The following EXOC4 variants were observed in gnomAD, a reference collection of about 807,000 sequenced individuals.
EXOC4 encodes the protein SEC8-like 1.
In EXOC4, 71 loss-of-function variants were observed where a neutral mutation model predicts 107.2. The ratio of observed to expected loss-of-function variants is 0.66; its 90% CI spans 0.55 to 0.81. EXOC4 has a LOEUF of 0.81. Among genes scored for constraint, EXOC4 ranks in the 30% least tolerant of loss-of-function variants. The pLI, the probability that EXOC4 is intolerant of heterozygous loss-of-function variation, is 0.00. For synonymous variants in EXOC4, 456 were observed against 441.2 expected, an observed-to-expected ratio of 1.03 and a Z score of -0.42; for missense variants, 1,108 against 1,189.6, an observed-to-expected ratio of 0.93 and a Z score of 1.01.
intron 15 of EXOC4, among the ~76,000 whole-genome samples, chr7:134,003,302 G>C (rs1794571252): frequency 6.6e-6 from 1 of 152,168 alleles, no homozygotes; most frequent in Admixed American, 6.6e-5. Context: ...GAGTTGAGTA[G>C]GGATTGACTG....
chr7:133,505,486 A>C (rs1584964287), intron 9 of EXOC4, among the ~76,000 whole-genome samples: 1 of 152,294 alleles, frequency 6.6e-6, no homozygotes, highest in South Asian at 2.1e-4. Context: ...GTTAACTATG[A>C]CATCCTGTAT....
chr7:133,471,437 C>G (rs1431045733), intron 7 of EXOC4, among the ~76,000 whole-genome samples: 1 of 151,536 alleles, frequency 6.6e-6, no homozygotes, highest in Non-Finnish European at 1.5e-5. Context: ...AATCCCTTTA[C>G]TAATTTGAAT....
intron 15 of EXOC4, among the ~76,000 whole-genome samples, chr7:134,002,892 T>A (rs1169550388): frequency 2.9e-5 from 1 of 34,890 alleles, no homozygotes; most frequent in Non-Finnish European, 5.3e-5. Flanking sequence ...ATGGTACAGC[T>A]CCTTTGGAAA....
chr7:133,630,926 A>G (rs1802576594), intron 10 of EXOC4, among the ~76,000 whole-genome samples: 1 of 152,190 alleles, frequency 6.6e-6, no homozygotes, highest in African/African-American at 2.4e-5. Flanking sequence ...TGAGAGTGGA[A>G]AAAAGGGGCA....
At chr7:133,540,018 G>GA (rs1405376134) in intron 9 of EXOC4, among the ~76,000 whole-genome samples, 27 of 151,032 alleles carry the variant, frequency 1.8e-4, no homozygotes, top group East Asian at 1.9e-4. Context: ...ATTCAGGTGT[G>GA]AAAAAAAAAT....
chr7:133,363,626 A>C (rs1796181791), intron 6 of EXOC4, among the ~76,000 whole-genome samples: 1 of 151,992 alleles, frequency 6.6e-6, no homozygotes, highest in Non-Finnish European at 1.5e-5. Flanking sequence ...AAAAAAAAAA[A>C]AAACCTACTC....
intron 12 of EXOC4, among the ~76,000 whole-genome samples, chr7:133,911,690 T>G (rs2116606965): frequency 6.6e-6 from 1 of 152,252 alleles, no homozygotes; most frequent in South Asian, 2.1e-4. Context: ...AAATGGAAAA[T>G]TCTAGCCCTT....
At chr7:133,822,778 A>T (rs1563013914) in intron 11 of EXOC4, among the ~76,000 whole-genome samples, 1 of 152,220 alleles carries the variant, frequency 6.6e-6, no homozygotes, top group Non-Finnish European at 1.5e-5. Flanking sequence ...TACTCGCTAA[A>T]GTTTAAGAAG....
At chr7:134,083,121 T>C in the EXOC4 span, among the ~76,000 whole-genome samples, 1 of 152,186 alleles carries the variant, frequency 6.6e-6, no homozygotes, top group Non-Finnish European at 1.5e-5. Context: ...ATTTCCCTTC[T>C]AGATACATAT....
intron 3 of EXOC4, among the ~76,000 whole-genome samples, chr7:133,299,595 A>G (rs1295154761): frequency 6.6e-6 from 1 of 152,174 alleles, no homozygotes; most frequent in Non-Finnish European, 1.5e-5. Flanking sequence ...ATAGGGTGAA[A>G]TCTTTCATGA....
the EXOC4 span, among the ~76,000 whole-genome samples, chr7:134,100,823 A>G: frequency 2.3e-5 from 3 of 129,484 alleles, 1 homozygote; most frequent in Non-Finnish European, 3.4e-5. Context: ...ATGCACCTGT[A>G]GTCCCAGCTA....
intron 17 of EXOC4, among the ~76,000 whole-genome samples, chr7:134,016,080 A>G (rs1349534989): frequency 6.6e-6 from 1 of 152,128 alleles, no homozygotes; most frequent in Non-Finnish European, 1.5e-5. Flanking sequence ...GCCAGATCAC[A>G]CTACAGTCAA....
intron 2 of EXOC4, among the ~76,000 whole-genome samples, chr7:133,279,023 T>A (rs1403353687): frequency 6.7e-6 from 1 of 149,174 alleles, no homozygotes; most frequent in South Asian, 2.2e-4. Flanking sequence ...CCTGTGTCCA[T>A]GTGTTCTCAT....
chr7:133,722,845 A>T (rs768676853), intron 10 of EXOC4, among the ~76,000 whole-genome samples: 2 of 152,208 alleles, frequency 1.3e-5, no homozygotes, highest in Admixed American at 6.5e-5. Flanking sequence ...TCAGCTTCAC[A>T]GATTGGATTA....
At chr7:133,406,993 G>A (rs1006925375) in intron 7 of EXOC4, among the ~76,000 whole-genome samples, 1 of 152,164 alleles carries the variant, frequency 6.6e-6, no homozygotes, top group African/African-American at 2.4e-5. Flanking sequence ...CTGTTTCCTT[G>A]ACAGAACTTC....
intron 1 of EXOC4, among the ~76,000 whole-genome samples, chr7:133,272,037 A>G (rs542002504): frequency 1.4e-4 from 21 of 152,126 alleles, no homozygotes; most frequent in Non-Finnish European, 2.5e-4. Flanking sequence ...TGCTGCTGCC[A>G]TTACTACTGT....
At chr7:133,557,942 G>T (rs939737836) in intron 9 of EXOC4, among the ~76,000 whole-genome samples, 6 of 152,174 alleles carry the variant, frequency 3.9e-5, no homozygotes, top group Non-Finnish European at 8.8e-5. Flanking sequence ...AGTGAGCCAA[G>T]ATCAGCACTG....
chr7:133,920,827 C>G (rs1799921270), intron 13 of EXOC4, among the ~76,000 whole-genome samples: 1 of 152,186 alleles, frequency 6.6e-6, no homozygotes, highest in Admixed American at 6.5e-5. Flanking sequence ...TTTGACACAT[C>G]TTGCAAGACA....
rs566815821 is a variant in EXOC4, at chr7:133,913,929, G to A, written c.1872-3654G>A. 2.8e-3 allele frequency among the ~76,000 whole-genome samples: 423 copies of A among 152,266 alleles called. 2 individuals are homozygous for A. The highest frequency in any genetic ancestry group is 9.6e-3 in the African/African-American group (399 of 41,568). On this transcript the variant is annotated intron_variant, in intron 12 of 17. Transcript: ENST00000253861. ...CCATCAGTTTGGCTAAGAAAGGTTA[G>A]GATGGTAGGTAAAGAACGTGATGCG...
Sources: gnomAD v4.1 joint callset for allele counts (sites outside exome capture counted in the v4.1 genomes callset) on GRCh38, gnomAD v4.1.1 for gene constraint, MANE v1.5 for transcripts, NCBI Gene and HGNC (gene_info 2026-07-23, HGNC 2026-07-21) for gene names.